Variants in CSNK1G1 observed in about 807,000 individuals in gnomAD.
CSNK1G1 encodes casein kinase I isoform gamma-1.
A neutral mutation model predicts 59.6 loss-of-function variants in CSNK1G1; 22 were observed. The observed-to-expected ratio is 0.37, with a 90% CI of 0.26 to 0.53. The LOEUF is 0.53. Among genes scored for constraint, CSNK1G1 ranks in the 20% least tolerant of loss-of-function variants. The pLI is 0.89. For missense variants in CSNK1G1, 384 were observed against 519.5 expected (o/e 0.74, Z 2.54); for synonymous variants, 179 against 177.1 (o/e 1.01, Z -0.08).
intron 2 of CSNK1G1, among the ~76,000 whole-genome samples, chr15:64,270,092 G>A (rs1893205584): frequency 6.6e-6 from 1 of 152,352 alleles, no homozygotes; most frequent in East Asian, 1.9e-4. Flanking sequence ...ATAGGCATGA[G>A]CCACCACACC....
rs201425971 is a variant in CSNK1G1, at chr15:64,307,578, C to CAT, written c.-224-6857_-224-6856dup. On this transcript the variant is annotated intron_variant, in intron 1 of 11. Coordinates refer to ENST00000303052, the MANE Select transcript of CSNK1G1 (RefSeq NM_022048.5). ...AGTATACACTACTGTATTTCATGTACATATATATATACATACACACCACAG... is the reference window on the plus strand; with the variant it reads ...AGTATACACTACTGTATTTCATGTACATATATATATATACATACACACCACAG... 2.9e-3 allele frequency among the ~76,000 whole-genome samples: 444 copies of CAT among 152,094 alleles called. 1 individual carries two copies. The highest frequency in any genetic ancestry group is 9.7e-3 in the African/African-American group (403 of 41,506).
In CSNK1G1 at chr15:64,341,209, GTTA is replaced by G. The variant is rs1337678153; in HGVS notation, c.-225+14776_-225+14778del. On this transcript the variant is annotated intron_variant, in intron 1 of 11. Coordinates refer to ENST00000303052, the MANE Select transcript of CSNK1G1 (RefSeq NM_022048.5). ...TTTAGTAGAGACGGGGTTTCACCTT[GTTA>G]GCCAGGATGGTCTCAATCTCTTGAC... 2.7e-4 allele frequency among the ~76,000 whole-genome samples: 5 copies of G among 18,330 alleles called. 2 individuals are homozygous for G. The highest frequency in any genetic ancestry group is 1.5e-3 in the Non-Finnish European group (4 of 2,680). The allele number at this position is 18,330 out of a possible 152,430, so 12.0% of individuals were successfully genotyped here. A position where few individuals can be genotyped will look rare whatever the true frequency, so the allele number is the denominator to read the frequency against.
chr15:64,325,870 CAG>C (rs1209670500), intron 1 of CSNK1G1, among the ~76,000 whole-genome samples: 2 of 152,332 alleles, frequency 1.3e-5, no homozygotes, highest in African/African-American at 2.4e-5. Context: ...GACAGAGAGA[CAG>C]AGAGTTAGTT....
chr15:64,343,208 A>ACACACACACACACACACACACACACAC (rs5741730), intron 1 of CSNK1G1, among the ~76,000 whole-genome samples: 2 of 109,954 alleles, frequency 1.8e-5, no homozygotes, highest in Non-Finnish European at 3.8e-5. Flanking sequence ...GCAAAACTCC[A>ACACACACACACACACACACACACACAC]ACACACACAC....
At chr15:64,318,767 A>G (rs1896405112) in intron 1 of CSNK1G1, among the ~76,000 whole-genome samples, 1 of 151,358 alleles carries the variant, frequency 6.6e-6, no homozygotes, top group Admixed American at 6.6e-5. Flanking sequence ...CATGCTAACG[A>G]GCCTGGCTAA....
At chr15:64,281,334 G>C (rs759272936) in intron 2 of CSNK1G1, among the ~76,000 whole-genome samples, 45 of 152,162 alleles carry the variant, frequency 3.0e-4, no homozygotes, top group Admixed American at 1.5e-3. Context: ...GCTGGGTGCA[G>C]CAGCTCACAC....
intron 4 of CSNK1G1, among the ~76,000 whole-genome samples, chr15:64,249,480 A>C (rs982579902): frequency 3.3e-5 from 5 of 152,184 alleles, no homozygotes; most frequent in African/African-American, 1.2e-4. Context: ...TCACCACTGA[A>C]CTGCATATAG....
At chr15:64,180,591 C>T (rs2081800413) in intron 10 of CSNK1G1, 137 bp from the exon 11 acceptor site, 2 of 671,272 alleles carry the variant, frequency 3.0e-6, no homozygotes, top group Non-Finnish European at 5.4e-6. Flanking sequence ...AGGGAAGGTT[C>T]CCAGGCCCAT....
At chr15:64,339,772 G>A (rs1490136606) in intron 1 of CSNK1G1, among the ~76,000 whole-genome samples, 1 of 152,212 alleles carries the variant, frequency 6.6e-6, no homozygotes, top group Non-Finnish European at 1.5e-5. Flanking sequence ...AATTGCACAA[G>A]GCCTTAAATA....
rs757005279 is a variant in CSNK1G1 at position 64,176,619 on chromosome 15, C to A, written c.1214+3729G>T. On this transcript the variant is annotated intron_variant, in intron 11 of 11. Transcript: ENST00000303052. This position sits in a 1 kb window ranked among gnomAD's most constrained non-coding sequence, Gnocchi z 5.2. ...AGGCAGCAGGGGAAAGAGCAAATGA[C>A]CCTGCCTGTAAGAACTCAATCAAGC... Among the ~76,000 whole-genome samples the A allele has an allele frequency of 2.6e-5, 4 of 152,148 alleles. No individual in the cohort carries two copies. The highest frequency in any genetic ancestry group is 7.2e-5 in the African/African-American group (3 of 41,426).
chr15:64,173,041 G>C (rs566150280), intron 11 of CSNK1G1, among the ~76,000 whole-genome samples: 1 of 152,318 alleles, frequency 6.6e-6, no homozygotes, highest in South Asian at 2.1e-4. Context: ...CCGGATGATG[G>C]AGGGCAGTAA....
intron 1 of CSNK1G1, among the ~76,000 whole-genome samples, chr15:64,350,292 G>A (rs574585822): frequency 8.1e-4 from 123 of 152,148 alleles, no homozygotes; most frequent in African/African-American, 2.8e-3. Flanking sequence ...AGGAGATCGA[G>A]ACCATCCTGG....
At chr15:64,261,511 G>A (rs996680495) in intron 2 of CSNK1G1, among the ~76,000 whole-genome samples, 11 of 152,222 alleles carry the variant, frequency 7.2e-5, no homozygotes, top group Middle Eastern at 3.4e-3. Flanking sequence ...TGAGGCAACA[G>A]AATCACTTGA....
At chr15:64,334,953 G>A (rs1422563204) in intron 1 of CSNK1G1, among the ~76,000 whole-genome samples, 2 of 152,180 alleles carry the variant, frequency 1.3e-5, no homozygotes, top group African/African-American at 4.8e-5. Flanking sequence ...CTAATTTAGA[G>A]TAAGCTTAGA....
At chr15:64,345,359 T>C (rs1897897463) in intron 1 of CSNK1G1, among the ~76,000 whole-genome samples, 1 of 152,218 alleles carries the variant, frequency 6.6e-6, no homozygotes, top group Non-Finnish European at 1.5e-5. Flanking sequence ...CAGCTCAAGC[T>C]TCTAGATAGT....
intron 2 of CSNK1G1, among the ~76,000 whole-genome samples, chr15:64,267,999 G>C (rs951664508): frequency 6.6e-6 from 1 of 152,056 alleles, no homozygotes; most frequent in Non-Finnish European, 1.5e-5. Context: ...AATTGGGGAG[G>C]GGAGGGGAGG....
chr15:64,222,436 C>CAAAAAA (rs1567381566), intron 4 of CSNK1G1, among the ~76,000 whole-genome samples: 1 of 114,658 alleles, frequency 8.7e-6, no homozygotes, highest in African/African-American at 3.6e-5. Flanking sequence ...AACAACACCA[C>CAAAAAA]CAAAAAAAAA....
Position 64,307,168 on chromosome 15 carries a change from T to C in CSNK1G1, c.-224-6445A>G, listed in dbSNP as rs150511916. On this transcript the variant is annotated intron_variant, in intron 1 of 11. Coordinates refer to ENST00000303052, the MANE Select transcript of CSNK1G1 (RefSeq NM_022048.5). ...ACTTTAGTTAATAACGTGTCAATAT[T>C]GGTTCGTTAACTACTACAAATGTAG... Among the ~76,000 whole-genome samples the C allele has an allele frequency of 3.1e-3, 465 of 152,228 alleles. 1 individual carries two copies. The highest frequency in any genetic ancestry group is 0.011 in the African/African-American group (447 of 41,550).
chr15:64,345,538 C>A (rs1897908142), intron 1 of CSNK1G1, among the ~76,000 whole-genome samples: 1 of 152,176 alleles, frequency 6.6e-6, no homozygotes, highest in African/African-American at 2.4e-5. Flanking sequence ...CAACCTGAAA[C>A]ATCACATGAC....
Sources: gnomAD v4.1 joint callset for allele counts (sites outside exome capture counted in the v4.1 genomes callset) on GRCh38, gnomAD v4.1.1 for gene constraint, Gnocchi (gnomAD v3.1) non-coding constraint, MANE v1.5 for transcripts, NCBI Gene and HGNC (gene_info 2026-07-23, HGNC 2026-07-21) for gene names.